VEZT: variants seen among roughly 807,000 people sequenced by gnomAD.
VEZT encodes vezatin.
VEZT carries 39 observed loss-of-function variants against 79.9 expected under a neutral mutation model. That is an observed-to-expected ratio of 0.49 (90% CI 0.38 to 0.64). The LOEUF (loss-of-function observed/expected upper bound fraction) is 0.64, where lower values mean the gene tolerates loss of function less well. VEZT is among the 30% of genes least tolerant of loss of function. VEZT has a pLI of 0.00. For missense variants in VEZT, 837 were observed against 893.1 expected (o/e 0.94, Z 0.80); for synonymous variants, 325 against 327.6 (o/e 0.99, Z 0.09).
chr12:95,280,600 A>G (rs904424053), intron 7 of VEZT, among the ~76,000 whole-genome samples: 5 of 151,734 alleles, frequency 3.3e-5, no homozygotes, highest in Admixed American at 2.6e-4. Flanking sequence ...AAGAAACACT[A>G]TCTTTCTTTT....
At chr12:95,282,156 C>T (rs1399448522) in intron 7 of VEZT, among the ~76,000 whole-genome samples, 157 bp from the exon 8 acceptor site, 1 of 152,014 alleles carries the variant, frequency 6.6e-6, no homozygotes, top group African/African-American at 2.4e-5. Context: ...AAATCATATT[C>T]TTGGCTAATC....
chr12:95,298,656 CAAGGCT>C (rs1461189222), intron 11 of VEZT, among the ~76,000 whole-genome samples: 1 of 152,186 alleles, frequency 6.6e-6, no homozygotes, highest in African/African-American at 2.4e-5. Flanking sequence ...CTACCTGCCT[CAAGGCT>C]TAAATTCTAA....
At chr12:95,222,380 G>A (rs2057753342) in intron 1 of VEZT, among the ~76,000 whole-genome samples, 1 of 152,086 alleles carries the variant, frequency 6.6e-6, no homozygotes, top group East Asian at 1.9e-4. Context: ...CAGTTGACCT[G>A]GCACCATTTA....
intron 1 of VEZT, among the ~76,000 whole-genome samples, chr12:95,226,303 A>G (rs1451579202): frequency 6.6e-6 from 1 of 152,116 alleles, no homozygotes; most frequent in Non-Finnish European, 1.5e-5. Flanking sequence ...ATACATTGGA[A>G]GAAGGATTAT....
intron 6 of VEZT, among the ~76,000 whole-genome samples, chr12:95,270,896 T>C (rs767193801): frequency 6.6e-6 from 1 of 152,184 alleles, no homozygotes; most frequent in Non-Finnish European, 1.5e-5. Flanking sequence ...TAAAGACATA[T>C]AGATAAGTTA....
chr12:95,252,116 T>C (rs749848729), intron 2 of VEZT, 45 bp downstream of exon 2: 2 of 1,576,458 alleles, frequency 1.3e-6, no homozygotes, highest in Non-Finnish European at 1.7e-6. Flanking sequence ...TTTTGCACTT[T>C]ACCTTACTGG....
At chr12:95,221,035 GC>G (rs2057496605) in intron 1 of VEZT, among the ~76,000 whole-genome samples, 1 of 152,108 alleles carries the variant, frequency 6.6e-6, no homozygotes, top group African/African-American at 2.4e-5. Context: ...GATTCTAGGG[GC>G]TATGTCCTGG....
chr12:95,293,339 A>T (rs2139765081), intron 9 of VEZT, among the ~76,000 whole-genome samples: 1 of 152,286 alleles, frequency 6.6e-6, no homozygotes, highest in Admixed American at 6.5e-5. Flanking sequence ...ATACTTCTTT[A>T]TTTTAACCAT....
chr12:95,247,525 A>C (rs540244338), intron 1 of VEZT, among the ~76,000 whole-genome samples: 1 of 152,132 alleles, frequency 6.6e-6, no homozygotes, highest in African/African-American at 2.4e-5. Flanking sequence ...ACATTGTAAC[A>C]GGTTTATTGC....
chr12:95,282,832 G>A (rs1164419826), intron 8 of VEZT, among the ~76,000 whole-genome samples, 188 bp downstream of exon 8: 1 of 152,024 alleles, frequency 6.6e-6, no homozygotes, highest in Non-Finnish European at 1.5e-5. Context: ...TAACTTGAGG[G>A]AGTTATTATT....
At chr12:95,293,560 A>G (rs576993198) in intron 9 of VEZT, 6 of 152,352 alleles carry the variant, frequency 3.9e-5, no homozygotes, top group African/African-American at 1.4e-4. Flanking sequence ...TTCATTTCCA[A>G]TTCCAACCTC....
At chr12:95,279,836 G>A (rs12303155) in intron 7 of VEZT, among the ~76,000 whole-genome samples, 19 of 94,244 alleles carry the variant, frequency 2.0e-4, no homozygotes, top group African/African-American at 8.7e-4. Context: ...GGCCTCAAGT[G>A]AGCCTCCCAA....
At chr12:95,218,047 G>A (rs918850005) in intron 1 of VEZT, 161 bp downstream of exon 1, 1 of 618,978 alleles carries the variant, frequency 1.6e-6, no homozygotes, top group Non-Finnish European at 2.5e-6. Context: ...GTCCGTCGTC[G>A]CCTGACAGGT....
intron 9 of VEZT, among the ~76,000 whole-genome samples, chr12:95,288,812 C>G (rs536973885): frequency 2.0e-5 from 3 of 152,224 alleles, no homozygotes; most frequent in African/African-American, 7.2e-5. Context: ...CCAAGAAACT[C>G]TGATATATGC....
intron 9 of VEZT, among the ~76,000 whole-genome samples, chr12:95,288,496 C>T (rs2071598812): frequency 6.6e-6 from 1 of 152,106 alleles, no homozygotes; most frequent in South Asian, 2.1e-4. Flanking sequence ...AAAAACTGTG[C>T]TGCAAATCAG....
intron 1 of VEZT, among the ~76,000 whole-genome samples, chr12:95,249,530 T>C (rs938559865): frequency 1.1e-4 from 16 of 152,282 alleles, no homozygotes; most frequent in Admixed American, 2.6e-4. Context: ...TTAAAAAATA[T>C]TTTTCTTAAA....
At position 95,294,309 on chromosome 12, in the gene VEZT, A is replaced by C. The variant is rs1346534819; in HGVS notation, c.1560A>C (p.Thr520=). The change falls in exon 10 of 12, where the codon ACA becomes ACC. Residue 520 remains threonine, a synonymous_variant. Coordinates refer to ENST00000436874, the MANE Select transcript of VEZT (RefSeq NM_017599.4). ...PEIACENPHC[T]VVPLKQPTLH... The stretch of plus-strand genomic sequence containing the variant: ...TAGCATGTGAAAACCCACATTGTAC[A>C]GTAGTACCTTTGAAGCAGCCTACTC... 2 of 1,594,252 alleles carry C rather than the reference A, an allele frequency of 1.3e-6. No homozygotes were observed. The highest frequency in any genetic ancestry group is 8.5e-7 in the Non-Finnish European group (1 of 1,169,780).
At chr12:95,253,572 A>G (rs1273431159) in intron 2 of VEZT, among the ~76,000 whole-genome samples, 2 of 152,234 alleles carry the variant, frequency 1.3e-5, no homozygotes, top group African/African-American at 4.8e-5. Flanking sequence ...GCAACACAAA[A>G]CAAAGAATGG....
At chr12:95,259,033 C>A (rs2063919721) in intron 3 of VEZT, among the ~76,000 whole-genome samples, 1 of 152,168 alleles carries the variant, frequency 6.6e-6, no homozygotes, top group South Asian at 2.1e-4. Flanking sequence ...AAATTTGTCA[C>A]GTCAGCACTA....
Sources: gnomAD v4.1 joint callset for allele counts (sites outside exome capture counted in the v4.1 genomes callset) on GRCh38, gnomAD v4.1.1 for gene constraint, MANE v1.5 for transcripts, NCBI Gene and HGNC (gene_info 2026-07-23, HGNC 2026-07-21) for gene names.